The following TRPM6 variants were observed in gnomAD, a reference collection of about 807,000 sequenced individuals.
TRPM6 encodes the protein channel kinase 2.
In TRPM6, 111 loss-of-function variants were observed where a neutral mutation model predicts 247.6. That is an observed-to-expected ratio of 0.45 (90% CI 0.38 to 0.52). The LOEUF is 0.52. TRPM6 is among the 20% of genes least tolerant of loss of function. The probability of loss-of-function intolerance (pLI) is 0.00; values close to 1 mark genes in which losing one functional copy is unlikely to be tolerated. For missense variants in TRPM6, 2,126 were observed against 2,421.5 expected (o/e 0.88, Z 2.56); for synonymous variants, 892 against 853.8 (o/e 1.04, Z -0.78).
chr9:74,881,139 T>A (rs13286781), intron 1 of TRPM6, among the ~76,000 whole-genome samples: 27,649 of 151,536 alleles, frequency 0.18, 3,058 homozygotes, highest in Middle Eastern at 0.33. Flanking sequence ...TACAAAAAAA[T>A]TTTTTTAATT....
At chr9:74,851,238 TACTAAAAGCTC>T (rs1289127461) in intron 3 of TRPM6, among the ~76,000 whole-genome samples, 1 of 152,118 alleles carries the variant, frequency 6.6e-6, no homozygotes, top group Non-Finnish European at 1.5e-5. Flanking sequence ...CACTAACAAG[TACTAAAAGCTC>T]ACTTTATATA....
At chr9:74,811,932 C>G (rs1828742987) in intron 12 of TRPM6, among the ~76,000 whole-genome samples, 1 of 152,170 alleles carries the variant, frequency 6.6e-6, no homozygotes, top group African/African-American at 2.4e-5. Flanking sequence ...GAACTGAGCT[C>G]ACAGCAGTGG....
chr9:74,789,883 C>T (rs1827836360), intron 19 of TRPM6, among the ~76,000 whole-genome samples: 1 of 150,642 alleles, frequency 6.6e-6, no homozygotes, highest in Non-Finnish European at 1.5e-5. Context: ...ATCTCTTGAA[C>T]CCAGAAGGCC....
chr9:74,826,902 C>G (rs1209873833), intron 7 of TRPM6: 1 of 152,308 alleles, frequency 6.6e-6, no homozygotes, highest in Non-Finnish European at 1.5e-5. Context: ...CCACACCTGG[C>G]TAATTTTTGT....
rs1433970866 is a variant in TRPM6 at position 74,750,803 on chromosome 9, C to T, written c.4999-81G>A. 8.8e-6 allele frequency: 11 copies of T among 1,243,892 alleles called. No homozygotes were observed. The Admixed American group carries it at 1.9e-4, about 21-fold the overall frequency. The allele number at this position is 1,243,892 out of a possible 1,614,324, so 77.1% of individuals were successfully genotyped here. ...TTCTAGGAATGATCTGCCAAACACG[C>T]TCCTTGGAGAATCCTTCTTTTTTCT... is the stretch of plus-strand genomic sequence containing the variant. On this transcript the variant is annotated intron_variant, in intron 29 of 38. Transcript: ENST00000360774.
intron 1 of TRPM6, among the ~76,000 whole-genome samples, chr9:74,884,078 C>T (rs745774151): frequency 1.1e-4 from 16 of 151,426 alleles, no homozygotes; most frequent in Non-Finnish European, 1.3e-4. Context: ...GAACCTGGGA[C>T]GCAGAGGTTG....
Position 74,802,490 on chromosome 9 carries a change from C to T in TRPM6, c.1732-315G>A, listed in dbSNP as rs7859884. Among the ~76,000 whole-genome samples, 67,335 of 151,912 alleles carry T rather than the reference C, an allele frequency of 0.44. 16,062 individuals are homozygous for T. The highest frequency in any genetic ancestry group is 0.63 in the African/African-American group (26,118 of 41,424). ...TGAAAGATGGGTGGGTAGGGGGAGACATAACAATGCCTGAGAAATGGTTCC... is the reference window on the plus strand; with the variant it reads ...TGAAAGATGGGTGGGTAGGGGGAGATATAACAATGCCTGAGAAATGGTTCC... On this transcript the variant is annotated intron_variant, in intron 15 of 38. Coordinates refer to ENST00000360774, the MANE Select transcript of TRPM6 (RefSeq NM_017662.5).
rs756389290 is a variant in TRPM6 at position 74,842,184 on chromosome 9, C to T, written c.312G>A (p.Glu104=). ...AGCAAACCTTGGCATGATGGGTGTGCTCTCCATCTTGGAAATTAATCGTGC... is the reference window on the plus strand; with the variant it reads ...AGCAAACCTTGGCATGATGGGTGTGTTCTCCATCTTGGAAATTAATCGTGC... ...TFGTINFQDG[E]HTHHAKYIRT... The change falls in exon 4 of 39, where the codon GAG becomes GAA. Residue 104 remains glutamate, a synonymous_variant. Transcript: ENST00000360774. 5 of 1,613,746 alleles carry T rather than the reference C, an allele frequency of 3.1e-6. No individual in the cohort carries two copies. Among genetic ancestry groups the T allele is most frequent in the Non-Finnish European group, 3.4e-6 (4 of 1,179,962 alleles).
chr9:74,820,538 C>T (rs988349802), intron 8 of TRPM6, 111 bp from the exon 9 acceptor site: 57 of 1,332,044 alleles, frequency 4.3e-5, no homozygotes, highest in Non-Finnish European at 5.9e-5. Context: ...TGTCTATGGA[C>T]AGTTCTGCCA....
At position 74,800,416 on chromosome 9, in the gene TRPM6, C is replaced by A; in HGVS notation, c.2076G>T (p.Met692Ile). The change falls in exon 17 of 39, where the codon ATG becomes ATT. Residue 692 changes from methionine (M) to isoleucine (I), a missense_variant. Met to Ile is a conservative substitution (Grantham distance 10, BLOSUM62 1). This residue lies in a region of TRPM6 where 1,082 missense variants were observed against 1,307.9 expected (regional missense o/e 0.83). Coordinates refer to ENST00000360774, the MANE Select transcript of TRPM6 (RefSeq NM_017662.5). Reference sequence around the variant, plus strand: ...TCCTGAGTTCATACGTCAACAGCGTCATGGCCATGCGCTCATTCTGCTTGA... The same window carrying A: ...TCCTGAGTTCATACGTCAACAGCGTAATGGCCATGCGCTCATTCTGCTTGA... ...KAFKQNERMAMTLLTYELRNW... is the reference protein window; with the variant it reads ...KAFKQNERMAITLLTYELRNW... 6.2e-7 allele frequency: 1 copy of A among 1,614,062 alleles called. No individual in the cohort carries two copies. The highest frequency in any genetic ancestry group is 1.3e-5 in the African/African-American group (1 of 74,994).
chr9:74,808,728 G>A (rs778515586), intron 13 of TRPM6, among the ~76,000 whole-genome samples: 7 of 152,264 alleles, frequency 4.6e-5, no homozygotes, highest in Admixed American at 6.5e-5. Context: ...TTTGCACTGC[G>A]TTGACTACAT....
At chr9:74,729,705 C>T (rs1825457670) in intron 37 of TRPM6, among the ~76,000 whole-genome samples, 1 of 152,194 alleles carries the variant, frequency 6.6e-6, no homozygotes, top group Non-Finnish European at 1.5e-5. Flanking sequence ...AGTCGAAGCA[C>T]TCAGCATTTA....
intron 18 of TRPM6, among the ~76,000 whole-genome samples, chr9:74,796,237 C>A (rs928396922): frequency 2.0e-5 from 3 of 152,142 alleles, no homozygotes; most frequent in African/African-American, 7.2e-5. Flanking sequence ...AGTGAACAGA[C>A]TTGAAACACT....
At chr9:74,726,262 C>A (rs923084178) in intron 38 of TRPM6, among the ~76,000 whole-genome samples, 2 of 152,146 alleles carry the variant, frequency 1.3e-5, no homozygotes, top group African/African-American at 2.4e-5. Context: ...GTAATCCCAG[C>A]ACTTTGGGAG....
At chr9:74,841,915 G>C (rs762558426) in intron 4 of TRPM6, among the ~76,000 whole-genome samples, 2 of 152,080 alleles carry the variant, frequency 1.3e-5, no homozygotes, top group Non-Finnish European at 2.9e-5. Context: ...ACTTCAAACA[G>C]GCAGAAACCT....
At chr9:74,846,766 C>T (rs367940411) in intron 3 of TRPM6, among the ~76,000 whole-genome samples, 15 of 152,264 alleles carry the variant, frequency 9.9e-5, no homozygotes, top group South Asian at 6.2e-4. Flanking sequence ...CCAGGCTGGC[C>T]TTGAACTGCT....
At chr9:74,866,469 G>T (rs953394724) in intron 1 of TRPM6, among the ~76,000 whole-genome samples, 1 of 151,728 alleles carries the variant, frequency 6.6e-6, no homozygotes, top group Non-Finnish European at 1.5e-5. Context: ...TTTTTTGGGG[G>T]GGTTTTTTGT....
In TRPM6 at chr9:74,815,703, A is replaced by ATTAT. The variant is rs561406527; in HGVS notation, c.1308+962_1308+965dup. Among the ~76,000 whole-genome samples, 363 of 152,372 alleles carry ATTAT rather than the reference A, an allele frequency of 2.4e-3. 4 individuals are homozygous for ATTAT. The highest frequency in any genetic ancestry group is 8.3e-3 in the African/African-American group (345 of 41,588). ...ATGAACCAAAATATAGCAATATGAC[A>ATTAT]TTATTTAGAAATATGGAGATTTATA... On this transcript the variant is annotated intron_variant, in intron 11 of 38. Transcript: ENST00000360774.
chr9:74,804,624 A>G, intron 14 of TRPM6: 1 of 747,978 alleles, frequency 1.3e-6, no homozygotes, highest in Non-Finnish European at 2.4e-6. Context: ...TGAGGTTACA[A>G]ACTGGTCTGA....
Sources: allele counts gnomAD v4.1 joint callset (sites outside exome capture counted in the v4.1 genomes callset), GRCh38; gene constraint gnomAD v4.1.1; regional missense constraint gnomAD v4.1.1; transcripts MANE v1.5; gene names NCBI Gene and HGNC (gene_info 2026-07-23, HGNC 2026-07-21).